Variants in GRIA3 observed in about 807,000 individuals in gnomAD.
The protein encoded by GRIA3 is glutamate ionotropic receptor AMPA type subunit 3.
Under a neutral mutation model 63.0 loss-of-function variants are expected in GRIA3, and 3 were observed. The ratio of observed to expected loss-of-function variants is 0.05; its 90% confidence interval spans 0.02 to 0.12. The LOEUF (loss-of-function observed/expected upper bound fraction) is 0.12. Among genes scored for constraint, GRIA3 ranks in the 10% least tolerant of loss-of-function variants. GRIA3 has a pLI of 1.00. For synonymous variants in GRIA3, 274 were observed against 257.9 expected, an observed-to-expected ratio of 1.06 and a Z score of -0.60; for missense variants, 347 against 700.9, an observed-to-expected ratio of 0.50 and a Z score of 5.70.
At chrX:123,310,901 G>T (rs377106491) in intron 3 of GRIA3, among the ~76,000 whole-genome samples, 6 of 110,362 alleles carry the variant, frequency 5.4e-5, no homozygotes, top group Middle Eastern at 4.8e-3. Flanking sequence ...TACTCAGGAG[G>T]CTGAGGCACG....
Position 123,427,989 on chromosome X carries a change from G to A in GRIA3, c.1926G>A (p.Leu642=), listed in dbSNP as rs1741368171. The change falls in exon 12 of 16, where the codon CTG becomes CTA. Residue 642 remains leucine, a synonymous_variant. Transcript: ENST00000620443. ...GAGGGGTTTGGTGGTTCTTCACCCT[G>A]ATCATAATTTCTTCCTATACTGCCA... ...IVGGVWWFFT[L]IIISSYTANL... The A allele has an allele frequency of 8.3e-7, 1 of 1,202,266 alleles. No individual in the cohort carries two copies. Among genetic ancestry groups the A allele is most frequent in the Non-Finnish European group, 1.1e-6 (1 of 887,201 alleles).
At chrX:123,483,519 T>C (rs543646287) in intron 15 of GRIA3, among the ~76,000 whole-genome samples, 3 of 112,662 alleles carry the variant, frequency 2.7e-5, no homozygotes, top group Non-Finnish European at 1.9e-5. Flanking sequence ...GTATATTTTA[T>C]GCTTATGGTA....
chrX:123,411,819 A>G (rs944171469), intron 10 of GRIA3, among the ~76,000 whole-genome samples: 5 of 110,916 alleles, frequency 4.5e-5, no homozygotes, highest in Admixed American at 3.9e-4. Flanking sequence ...TTGTCTGTCA[A>G]TTGGAGCACC....
At chrX:123,417,346 G>A (rs1051761831) in intron 10 of GRIA3, 56 bp from the exon 11 acceptor site, 20 of 1,007,157 alleles carry the variant, frequency 2.0e-5, no homozygotes, top group Non-Finnish European at 2.5e-5. Context: ...ACAAATAACT[G>A]ATTAAAGACT....
chrX:123,229,397 T>A (rs2044265001), intron 2 of GRIA3, among the ~76,000 whole-genome samples: 1 of 112,215 alleles, frequency 8.9e-6, no homozygotes, highest in South Asian at 3.7e-4. Flanking sequence ...CACAGTTACT[T>A]TTTTTGCTTT....
chrX:123,470,917 C>T (rs969326148), intron 13 of GRIA3, among the ~76,000 whole-genome samples: 7 of 111,913 alleles, frequency 6.3e-5, no homozygotes, highest in African/African-American at 2.3e-4. Flanking sequence ...TAAGATGGAT[C>T]CCAATGACTC....
intron 2 of GRIA3, among the ~76,000 whole-genome samples, chrX:123,239,654 TA>T (rs987106503): frequency 8.0e-5 from 9 of 112,243 alleles, no homozygotes; most frequent in African/African-American, 2.9e-4. Context: ...AGTTAGTAAC[TA>T]ATAAATACTG....
At chrX:123,189,167 C>T (rs776792282) in intron 2 of GRIA3, among the ~76,000 whole-genome samples, 1 of 112,188 alleles carries the variant, frequency 8.9e-6, no homozygotes, top group African/African-American at 3.2e-5. Flanking sequence ...CACATGTTCC[C>T]ATTTCATGAG....
chrX:123,207,230 C>G (rs1199107680), intron 2 of GRIA3, among the ~76,000 whole-genome samples: 2 of 111,148 alleles, frequency 1.8e-5, no homozygotes, highest in Non-Finnish European at 3.8e-5. Flanking sequence ...AAGACCACAC[C>G]TTTCATTTTT....
chrX:123,388,036 T>A (rs959125928), intron 5 of GRIA3, among the ~76,000 whole-genome samples: 2 of 112,152 alleles, frequency 1.8e-5, no homozygotes, highest in Non-Finnish European at 3.8e-5. Context: ...TTGGTAGAAT[T>A]CAGCAGTGAA....
Position 123,215,003 on chromosome X carries a change from G to A in GRIA3, c.268+29013G>A, listed in dbSNP as rs940553358. Among the ~76,000 whole-genome samples, 6 of 111,844 alleles carry A rather than the reference G, an allele frequency of 5.4e-5. No individual in the cohort carries two copies. The Admixed American group carries it at 5.7e-4, about 11-fold the overall frequency. On this transcript the variant is annotated intron_variant, in intron 2 of 15. Transcript: ENST00000620443. ...AGTTGCCCCAAAGATGACAGTTGAG[G>A]GAAATTGTTATAGCTACACTGGCAA...
chrX:123,245,475 A>G (rs1019501816), intron 2 of GRIA3, among the ~76,000 whole-genome samples: 1 of 111,642 alleles, frequency 9.0e-6, no homozygotes, highest in African/African-American at 3.3e-5. Flanking sequence ...TTAAAAAACC[A>G]TATTTAAAGT....
At chrX:123,218,242 T>C (rs1027747350) in intron 2 of GRIA3, among the ~76,000 whole-genome samples, 9 of 111,448 alleles carry the variant, frequency 8.1e-5, no homozygotes, top group African/African-American at 2.9e-4. Flanking sequence ...TTGAGGCTTT[T>C]TCTGAGATGA....
intron 2 of GRIA3, among the ~76,000 whole-genome samples, chrX:123,225,489 A>C (rs1171178117): frequency 1.8e-5 from 2 of 112,146 alleles, no homozygotes; most frequent in African/African-American, 6.5e-5. Flanking sequence ...ATTTCTCTGT[A>C]GTCAAGTAAT....
At chrX:123,441,821 A>AAC (rs34401132) in intron 12 of GRIA3, among the ~76,000 whole-genome samples, 9,257 of 105,013 alleles carry the variant, frequency 0.088, 1,047 homozygotes, top group African/African-American at 0.3. Flanking sequence ...CCTTCCTCTG[A>AAC]ACACACACAC....
At chrX:123,240,624 G>T (rs2044324788) in intron 2 of GRIA3, among the ~76,000 whole-genome samples, 1 of 111,593 alleles carries the variant, frequency 9.0e-6, no homozygotes, top group African/African-American at 3.3e-5. Context: ...TTTTCCACCT[G>T]TAAAATGGGT....
At chrX:123,415,245 T>TA (rs765672494) in intron 10 of GRIA3, among the ~76,000 whole-genome samples, 2 of 112,114 alleles carry the variant, frequency 1.8e-5, no homozygotes, top group South Asian at 7.5e-4. Flanking sequence ...CTTTTGCTGC[T>TA]AATCTAGGAC....
chrX:123,309,065 G>A (rs762625009), intron 3 of GRIA3, among the ~76,000 whole-genome samples: 2 of 112,038 alleles, frequency 1.8e-5, no homozygotes, highest in East Asian at 5.6e-4. Flanking sequence ...GAGGCATAAG[G>A]CGTATAACTC....
At chrX:123,333,318 T>C (rs1279899430) in intron 4 of GRIA3, among the ~76,000 whole-genome samples, 3 of 111,184 alleles carry the variant, frequency 2.7e-5, no homozygotes, top group Non-Finnish European at 5.7e-5. Context: ...AGGTAATTCA[T>C]ATAGAAGAAG....
Sources: gnomAD v4.1 joint callset for allele counts (sites outside exome capture counted in the v4.1 genomes callset) on GRCh38, gnomAD v4.1.1 for gene constraint, MANE v1.5 for transcripts, NCBI Gene and HGNC (gene_info 2026-07-23, HGNC 2026-07-21) for gene names.